CNTN3: variants seen among roughly 807,000 people sequenced by gnomAD.
CNTN3 encodes the protein contactin 3.
A neutral mutation model predicts 119.1 loss-of-function variants in CNTN3; 60 were observed. That is an observed-to-expected ratio of 0.50 (90% confidence interval 0.41 to 0.62). The LOEUF is 0.62. CNTN3 is among the 20% of genes least tolerant of loss of function. The probability of loss-of-function intolerance (pLI) is 0.00; values close to 1 mark genes in which losing one functional copy is unlikely to be tolerated. For synonymous variants in CNTN3, 450 were observed against 438.7 expected, an observed-to-expected ratio of 1.03 and a Z score of -0.32; for missense variants, 1,101 against 1,242.4, an observed-to-expected ratio of 0.89 and a Z score of 1.71.
intron 1 of CNTN3, among the ~76,000 whole-genome samples, chr3:74,558,718 A>C (rs186742022): frequency 2.0e-3 from 302 of 152,222 alleles, no homozygotes; most frequent in African/African-American, 6.2e-3. Context: ...GCAGTGGTTC[A>C]CACCTGTAAT....
chr3:74,506,649 T>TA (rs535366743), intron 2 of CNTN3, among the ~76,000 whole-genome samples: 20 of 141,840 alleles, frequency 1.4e-4, no homozygotes, highest in Admixed American at 2.9e-4. Context: ...CCCACATGAT[T>TA]AAAAAAAAAA....
intron 11 of CNTN3, among the ~76,000 whole-genome samples, chr3:74,346,615 T>C (rs78817610): frequency 0.052 from 7,970 of 152,248 alleles, 678 homozygotes; most frequent in African/African-American, 0.18. Context: ...TAACAGATCA[T>C]AAATTATGAG....
intron 20 of CNTN3, among the ~76,000 whole-genome samples, chr3:74,283,670 T>C (rs1702057913): frequency 1.3e-5 from 2 of 152,174 alleles, no homozygotes; most frequent in Non-Finnish European, 1.5e-5. Context: ...ACAAATTTGT[T>C]TGCATATATT....
chr3:74,307,227 T>C (rs1175656360), intron 13 of CNTN3, among the ~76,000 whole-genome samples: 1 of 152,192 alleles, frequency 6.6e-6, no homozygotes, highest in Non-Finnish European at 1.5e-5. Context: ...ATAGTTAATC[T>C]GTCCCCAGAA....
intron 5 of CNTN3, among the ~76,000 whole-genome samples, chr3:74,391,573 T>TTTTTTTTTTTTTTTTTTTTTTTTTTTC (rs1704903162): frequency 7.8e-6 from 1 of 127,674 alleles, no homozygotes; most frequent in African/African-American, 2.9e-5. Flanking sequence ...TTTTTTTTTT[T>TTTTTTTTTTTTTTTTTTTTTTTTTTTC]TTTTTTTTGA....
intron 6 of CNTN3, among the ~76,000 whole-genome samples, chr3:74,370,904 A>G (rs1252565069): frequency 1.3e-5 from 2 of 152,136 alleles, no homozygotes; most frequent in East Asian, 1.9e-4. Flanking sequence ...CATGCTTGGT[A>G]TAAGTCTTTG....
intron 1 of CNTN3, among the ~76,000 whole-genome samples, chr3:74,550,338 G>T (rs1027279363): frequency 1.5e-4 from 23 of 152,196 alleles, no homozygotes; most frequent in African/African-American, 5.5e-4. Flanking sequence ...AAGCCTAAAA[G>T]AAGAGATTGG....
At chr3:74,349,723 T>C (rs1275888119) in intron 11 of CNTN3, among the ~76,000 whole-genome samples, 1 of 152,196 alleles carries the variant, frequency 6.6e-6, no homozygotes, top group Non-Finnish European at 1.5e-5. Context: ...TAATATTTTT[T>C]TCTTTGAATT....
chr3:74,424,698 C>G, intron 5 of CNTN3, 147 bp downstream of exon 5: 2 of 696,786 alleles, frequency 2.9e-6, no homozygotes. Flanking sequence ...TTGTAGTGTT[C>G]CTCATATTCC....
intron 4 of CNTN3, among the ~76,000 whole-genome samples, chr3:74,467,915 T>C (rs1702493869): frequency 6.6e-6 from 1 of 152,218 alleles, no homozygotes; most frequent in Non-Finnish European, 1.5e-5. Context: ...AGAATCTTTC[T>C]GAGGTTCAAG....
chr3:74,406,671 T>C (rs2106860989), intron 5 of CNTN3, among the ~76,000 whole-genome samples: 1 of 152,268 alleles, frequency 6.6e-6, no homozygotes, highest in East Asian at 1.9e-4. Context: ...TTTCTATGTG[T>C]AATTTTCCTT....
chr3:74,509,210 A>T (rs1703319113), intron 2 of CNTN3, among the ~76,000 whole-genome samples: 1 of 152,126 alleles, frequency 6.6e-6, no homozygotes, highest in Admixed American at 6.6e-5. Flanking sequence ...GAAAATAAAC[A>T]TGGGATGCTA....
At chr3:74,590,915 C>A (rs1704691745) in intron 1 of CNTN3, among the ~76,000 whole-genome samples, 1 of 151,978 alleles carries the variant, frequency 6.6e-6, no homozygotes, top group African/African-American at 2.4e-5. Flanking sequence ...ATCACATTCA[C>A]TGTGATGCTA....
At chr3:74,345,978 T>C (rs915486748) in intron 11 of CNTN3, among the ~76,000 whole-genome samples, 10 of 152,222 alleles carry the variant, frequency 6.6e-5, no homozygotes, top group African/African-American at 2.4e-4. Flanking sequence ...CTAAAGAAAC[T>C]TACATTCTAG....
At chr3:74,394,179 C>T (rs999826513) in intron 5 of CNTN3, among the ~76,000 whole-genome samples, 16 of 151,994 alleles carry the variant, frequency 1.1e-4, no homozygotes, top group African/African-American at 3.9e-4. Flanking sequence ...AATTTATGGA[C>T]AAAACTGTTC....
intron 11 of CNTN3, among the ~76,000 whole-genome samples, chr3:74,339,944 C>T (rs1241103125): frequency 6.6e-6 from 1 of 151,234 alleles, no homozygotes; most frequent in Non-Finnish European, 1.5e-5. Flanking sequence ...GATAGATAGC[C>T]AGCCCTCCAT....
At chr3:74,363,809 G>T (rs1704128767) in intron 10 of CNTN3, among the ~76,000 whole-genome samples, 1 of 152,010 alleles carries the variant, frequency 6.6e-6, no homozygotes, top group Admixed American at 6.6e-5. Flanking sequence ...TGATGAGCAA[G>T]CCCTCCTGCT....
At chr3:74,561,762 C>T (rs937173785) in intron 1 of CNTN3, among the ~76,000 whole-genome samples, 1 of 152,050 alleles carries the variant, frequency 6.6e-6, no homozygotes, top group African/African-American at 2.4e-5. Context: ...GCCTGTGTAC[C>T]ACTATCATAT....
At chr3:74,312,246 G>T (rs1702702289) in intron 13 of CNTN3, among the ~76,000 whole-genome samples, 2 of 151,942 alleles carry the variant, frequency 1.3e-5, no homozygotes, top group African/African-American at 4.8e-5. Flanking sequence ...GAGGTCAGGA[G>T]ATCGAGACCA....
Sources: gnomAD v4.1 joint callset for allele counts (sites outside exome capture counted in the v4.1 genomes callset) on GRCh38, gnomAD v4.1.1 for gene constraint, MANE v1.5 for transcripts, NCBI Gene and HGNC (gene_info 2026-07-23, HGNC 2026-07-21) for gene names.